Variants in PCDH11Y observed in about 807,000 individuals in gnomAD.
PCDH11Y encodes the protein protocadherin 11 Y-linked, also known as protocadherin-11 Y-linked.
For synonymous variants in PCDH11Y, 9 were observed against 83.6 expected (o/e 0.11, Z 4.87); for missense variants, 12 against 224.8 (o/e 0.05, Z 6.05).
At chrY:5,385,902 T>C (rs2053214336) in intron 2 of PCDH11Y, among the ~76,000 whole-genome samples, 1 of 33,312 alleles carries the variant, frequency 3.0e-5, no homozygotes, top group African/African-American at 1.2e-4. Flanking sequence ...AGATTCTGGA[T>C]ATTAGTCCTT....
chrY:5,145,125 G>A, intron 2 of PCDH11Y, among the ~76,000 whole-genome samples: 2 of 32,699 alleles, frequency 6.1e-5, no homozygotes, highest in East Asian at 8.1e-4. Flanking sequence ...GCTCCTCCAC[G>A]TCTTTTCATG....
chrY:5,714,192 T>C (rs2124713378), intron 4 of PCDH11Y, among the ~76,000 whole-genome samples: 1 of 33,150 alleles, frequency 3.0e-5, no homozygotes, highest in African/African-American at 1.2e-4. Flanking sequence ...TAGATTCTTT[T>C]AAGGAGTCAA....
intron 2 of PCDH11Y, among the ~76,000 whole-genome samples, chrY:5,167,831 A>G: frequency 3.2e-5 from 1 of 31,185 alleles, no homozygotes; most frequent in African/African-American, 1.3e-4. Context: ...AGAAAAAAAA[A>G]GAAAACTACA....
At chrY:5,456,575 A>C (rs2053298457) in intron 2 of PCDH11Y, among the ~76,000 whole-genome samples, 1 of 34,070 alleles carries the variant, frequency 2.9e-5, no homozygotes, top group Non-Finnish European at 7.3e-5. Context: ...GAATCAACCT[A>C]GATGCCCATA....
chrY:5,343,161 A>G, intron 2 of PCDH11Y, among the ~76,000 whole-genome samples: 1 of 32,673 alleles, frequency 3.1e-5, no homozygotes, highest in African/African-American at 1.2e-4. Context: ...TAATAGTTCT[A>G]TTAGTATTTT....
intron 2 of PCDH11Y, among the ~76,000 whole-genome samples, chrY:5,186,979 T>C (rs2052906759): frequency 2.9e-5 from 1 of 33,952 alleles, no homozygotes; most frequent in African/African-American, 1.1e-4. Context: ...ATGGGAGAAG[T>C]TGGCTAAGAG....
chrY:5,485,392 T>C (rs374074184), intron 2 of PCDH11Y, among the ~76,000 whole-genome samples: 1 of 33,540 alleles, frequency 3.0e-5, no homozygotes, highest in Non-Finnish European at 7.4e-5. Context: ...AAGACAGTGT[T>C]CAAACAAGTG....
chrY:5,476,904 A>G (rs2053320006), intron 2 of PCDH11Y, among the ~76,000 whole-genome samples: 1 of 33,026 alleles, frequency 3.0e-5, no homozygotes, highest in Non-Finnish European at 7.4e-5. Context: ...TACCACTGGC[A>G]GTGCAGTAGG....
chrY:5,224,549 T>C lies in PCDH11Y; in HGVS notation c.3129+123842T>C, dbSNP rs1602889128. On this transcript the variant is annotated intron_variant, in intron 2 of 4. Coordinates refer to the PCDH11Y transcript ENST00000400457. The stretch of plus-strand genomic sequence containing the variant: ...AACTCTAGGTTAATGACTGAAGAAA[T>C]GGTGTTTCACTATGTATGGGGGGTT... Among the ~76,000 whole-genome samples the C allele has an allele frequency of 3.4e-4, 11 of 31,998 alleles. No homozygotes were observed. In the East Asian group the frequency reaches 9.1e-3, roughly 26 times the overall value. The allele number at this position is 31,998 out of a possible 37,273, so 85.8% of individuals were successfully genotyped here. A position where few individuals can be genotyped will look rare whatever the true frequency, so the allele number is the denominator to read the frequency against.
chrY:5,320,664 C>T (rs2053111653), intron 2 of PCDH11Y, among the ~76,000 whole-genome samples: 1 of 33,372 alleles, frequency 3.0e-5, no homozygotes. Context: ...ATCAAAGACA[C>T]GATGTTTCCC....
exon 5 of PCDH11Y, chrY:5,739,722 C>T: frequency 9.1e-5 from 3 of 32,909 alleles, no homozygotes; most frequent in African/African-American, 2.4e-4. Flanking sequence ...TTCCTTAAGT[C>T]ATATTTGACT....
intron 2 of PCDH11Y, among the ~76,000 whole-genome samples, chrY:5,112,887 A>G: frequency 2.9e-5 from 1 of 33,975 alleles, no homozygotes; most frequent in Non-Finnish European, 7.4e-5. Context: ...CTTTTAAAAT[A>G]TTGTTTTGGC....
intron 3 of PCDH11Y, among the ~76,000 whole-genome samples, chrY:5,564,853 A>G: frequency 3.1e-5 from 1 of 32,268 alleles, no homozygotes; most frequent in African/African-American, 1.2e-4. Context: ...TATTAATGCT[A>G]TGTCCTACTA....
chrY:5,672,562 T>C, intron 4 of PCDH11Y, among the ~76,000 whole-genome samples: 2 of 31,616 alleles, frequency 6.3e-5, no homozygotes, highest in African/African-American at 2.4e-4. Flanking sequence ...TATAGGCATA[T>C]AGTTGCTCAT....
chrY:5,372,864 C>CCCTT (rs1313714419), intron 2 of PCDH11Y, among the ~76,000 whole-genome samples: 1 of 2,045 alleles, frequency 4.9e-4, no homozygotes, highest in Non-Finnish European at 1.3e-3. Context: ...TTCCTTCCTT[C>CCCTT]CCTTCCTTCC....
intron 2 of PCDH11Y, among the ~76,000 whole-genome samples, chrY:5,208,337 A>G (rs2052934524): frequency 3.1e-5 from 1 of 32,780 alleles, no homozygotes; most frequent in Non-Finnish European, 7.5e-5. Context: ...GAGCCAAACC[A>G]TATCAACCAC....
At chrY:5,603,533 C>A (rs2053474687) in intron 4 of PCDH11Y, among the ~76,000 whole-genome samples, 1 of 32,675 alleles carries the variant, frequency 3.1e-5, no homozygotes, top group African/African-American at 1.2e-4. Context: ...CAGAAATAGG[C>A]ATTTACAATG....
chrY:5,568,078 T>C, intron 3 of PCDH11Y, among the ~76,000 whole-genome samples: 1 of 27,402 alleles, frequency 3.6e-5, no homozygotes, highest in Non-Finnish European at 8.5e-5. Flanking sequence ...GAAAACTAAG[T>C]TGATGATGCA....
intron 3 of PCDH11Y, among the ~76,000 whole-genome samples, chrY:5,516,696 T>TG (rs2053373210): frequency 3.1e-5 from 1 of 32,768 alleles, no homozygotes; most frequent in Admixed American, 2.9e-4. Context: ...GCATATCTCC[T>TG]GGGGGTTTAA....
Sources: gnomAD v4.1 joint callset for allele counts (sites outside exome capture counted in the v4.1 genomes callset) on GRCh38, gnomAD v4.1.1 for gene constraint, MANE v1.5 for transcripts, NCBI Gene and HGNC (gene_info 2026-07-23, HGNC 2026-07-21) for gene names.